Variants in ZNF98 observed in about 807,000 individuals in gnomAD.
ZNF98 encodes the protein zinc finger protein 98.
In ZNF98, 8 loss-of-function variants were observed where a neutral mutation model predicts 12.8. The observed-to-expected ratio is 0.63, with a 90% CI of 0.37 to 1.13. The LOEUF is 1.13. ZNF98 is among the 50% of genes most tolerant of loss of function. ZNF98 has a pLI of 0.01. For synonymous variants in ZNF98, 112 were observed against 223.5 expected, an observed-to-expected ratio of 0.50 and a Z score of 4.45; for missense variants, 379 against 666.1, an observed-to-expected ratio of 0.57 and a Z score of 4.74.
At position 22,410,575 on chromosome 19, in the gene ZNF98, G is replaced by A. The variant is rs578006639; in HGVS notation, c.31-7063C>T. ...TGAGAACACATGGACACAGGGAGGG[G>A]AATAACACAAACCAGGGCCTGTTGT... On this transcript the variant is annotated intron_variant, in intron 1 of 3. Transcript: ENST00000357774. 3.3e-5 allele frequency among the ~76,000 whole-genome samples: 5 copies of A among 152,260 alleles called. No homozygotes were observed. In the South Asian group the frequency reaches 8.3e-4, roughly 25 times the overall value.
rs74169607 is a variant in ZNF98, at chr19:22,391,741, A to T, written c.1494T>A (p.Ala498=). The change falls in exon 4 of 4, where the codon GCT becomes GCA. Residue 498 remains alanine (A), a synonymous_variant. Coordinates refer to ENST00000357774, the MANE Select transcript of ZNF98 (RefSeq NM_001098626.2). ...KPYKCEECGK[A]FNQSSHLTTH... ...TAGTAAGGTGTGAGGACTGGTTAAA[A>T]GCTTTGCCACATTCTTCACATTTGT... 1 of 1,611,966 alleles carries T rather than the reference A, an allele frequency of 6.2e-7. No homozygotes were observed. The highest frequency in any genetic ancestry group is 1.3e-5 in the African/African-American group (1 of 74,740).
rs562112857 is a variant in ZNF98 at position 22,407,935 on chromosome 19, G to C, written c.31-4423C>G. On this transcript the variant is annotated intron_variant, in intron 1 of 3. Transcript: ENST00000357774. The stretch of plus-strand genomic sequence containing the variant: ...AAGTACAAAAAATTAGCCAGGCGTG[G>C]TGGTGCATGCCTATAATCCCAGCTA... Among the ~76,000 whole-genome samples the C allele has an allele frequency of 8.6e-5, 13 of 151,766 alleles. No homozygotes were observed. In the South Asian group the frequency reaches 2.7e-3, roughly 32 times the overall value.
At chr19:22,414,168 A>T (rs925288208) in intron 1 of ZNF98, among the ~76,000 whole-genome samples, 2 of 149,510 alleles carry the variant, frequency 1.3e-5, no homozygotes, top group Non-Finnish European at 3.0e-5. Flanking sequence ...CGAGAAGGAG[A>T]AGTTACAGTG....
chr19:22,397,829 AAAAAC>A (rs1210685429), intron 3 of ZNF98, among the ~76,000 whole-genome samples: 1 of 137,316 alleles, frequency 7.3e-6, no homozygotes, highest in African/African-American at 2.7e-5. Flanking sequence ...CAAAAATATT[AAAAAC>A]AAAACAAAAC....
chr19:22,416,130 C>T, intron 1 of ZNF98, among the ~76,000 whole-genome samples: 1 of 150,182 alleles, frequency 6.7e-6, no homozygotes, highest in East Asian at 2.0e-4. Context: ...GGCAACAGAG[C>T]AAGACTCCGT....
Position 22,391,680 on chromosome 19 carries a change from T to C in ZNF98, c.1555A>G (p.Lys519Glu), listed in dbSNP as rs745462283. 2.5e-6 allele frequency: 4 copies of C among 1,613,902 alleles called. No homozygotes were observed. Among genetic ancestry groups the C allele is most frequent in the Non-Finnish European group, 3.4e-6 (4 of 1,179,950 alleles). The change falls in exon 4 of 4, where the codon AAG becomes GAG. Residue 519 changes from lysine (K) to glutamate (E), a missense_variant. This residue lies in a region of ZNF98 where 59 missense variants were observed against 50.3 expected (regional missense o/e 1.17). Coordinates refer to ENST00000357774, the MANE Select transcript of ZNF98 (RefSeq NM_001098626.2). ...AAGGCTTTGCCGCATTCTTCACACT[T>C]GTAGGGTTTCTCTCCAGTATGAATC... ...KMIHTGEKPY[K>E]CEECGKAFNN...
chr19:22,420,691 A>C (rs1969694188), intron 1 of ZNF98, among the ~76,000 whole-genome samples: 1 of 151,514 alleles, frequency 6.6e-6, no homozygotes, highest in Admixed American at 6.6e-5. Flanking sequence ...TAGCAGACAT[A>C]GCCACAGCAG....
intron 1 of ZNF98, among the ~76,000 whole-genome samples, chr19:22,407,402 T>G (rs1386146893): frequency 1.0e-4 from 7 of 69,294 alleles, no homozygotes; most frequent in Non-Finnish European, 3.3e-4. Flanking sequence ...ATTCACTGAT[T>G]TTTTTTTTTT....
chr19:22,393,293 T>C (rs1302279922), intron 3 of ZNF98, among the ~76,000 whole-genome samples: 1 of 152,214 alleles, frequency 6.6e-6, no homozygotes, highest in African/African-American at 2.4e-5. Context: ...ACTTTAGAAA[T>C]AAATTGCCAA....
rs745477889 is a variant in ZNF98, at chr19:22,393,015, T to A, written c.254-34A>T. On this transcript the variant is annotated intron_variant, in intron 3 of 3. Coordinates refer to ENST00000357774, the MANE Select transcript of ZNF98 (RefSeq NM_001098626.2). ...AATAAAAATAATAAATTACTTCACT[T>A]ACTAGACTCAGATGAATGTACTTTA... 8 of 1,450,088 alleles carry A rather than the reference T, an allele frequency of 5.5e-6. No individual in the cohort carries two copies. The South Asian group carries it at 1.3e-4, about 24-fold the overall frequency. The allele number at this position is 1,450,088 out of a possible 1,614,324, so 89.8% of individuals were successfully genotyped here. A position where few individuals can be genotyped will look rare whatever the true frequency, so the allele number is the denominator to read the frequency against.
At chr19:22,401,778 C>G (rs1239820043) in intron 3 of ZNF98, among the ~76,000 whole-genome samples, 2 of 151,640 alleles carry the variant, frequency 1.3e-5, no homozygotes, top group Non-Finnish European at 2.9e-5. Flanking sequence ...AGCCACCATG[C>G]CCGGCTGAAA....
At chr19:22,411,232 TCA>T (rs34723371) in intron 1 of ZNF98, among the ~76,000 whole-genome samples, 54,049 of 151,726 alleles carry the variant, frequency 0.36, 10,947 homozygotes, top group Non-Finnish European at 0.46. Flanking sequence ...AGCCAGGATC[TCA>T]CCATGTTGGT....
intron 1 of ZNF98, among the ~76,000 whole-genome samples, chr19:22,415,956 G>GACACACACAC (rs71180550): frequency 0.13 from 14,660 of 111,172 alleles, 1,189 homozygotes; most frequent in East Asian, 0.18. Context: ...AAAAACTACA[G>GACACACACAC]ACACACACAC....
chr19:22,414,091 C>T (rs138529061), intron 1 of ZNF98, among the ~76,000 whole-genome samples: 26 of 151,080 alleles, frequency 1.7e-4, no homozygotes, highest in African/African-American at 4.9e-4. Flanking sequence ...AAAAATTAGC[C>T]GGGCGTGGTG....
Position 22,422,247 on chromosome 19 carries a change from C to G in ZNF98, c.-23G>C, listed in dbSNP as rs768654072. The G allele has an allele frequency of 4.3e-6, 7 of 1,611,124 alleles. No individual in the cohort carries two copies. Among genetic ancestry groups the G allele is most frequent in the Non-Finnish European group, 5.9e-6 (7 of 1,178,024 alleles). On this transcript the variant is annotated 5_prime_UTR_variant, in exon 1 of 4. Transcript: ENST00000357774. ...CATCTTAGCTGTGGATTCCCAATAC[C>G]TGCAGGTCACAGGGCCACAGAGGCT...
At chr19:22,401,934 T>C (rs965926477) in intron 3 of ZNF98, among the ~76,000 whole-genome samples, 19 of 150,966 alleles carry the variant, frequency 1.3e-4, no homozygotes, top group African/African-American at 4.4e-4. Flanking sequence ...CCTAGCACTT[T>C]GGGAGGCCAA....
At chr19:22,395,163 ACT>A (rs917826297) in intron 3 of ZNF98, among the ~76,000 whole-genome samples, 5 of 144,760 alleles carry the variant, frequency 3.5e-5, no homozygotes, top group African/African-American at 1.3e-4. Flanking sequence ...CAGGAGCAAA[ACT>A]CTGTTTCAAA....
chr19:22,392,812 T>G lies in ZNF98; in HGVS notation c.423A>C (p.Gly141=). 2.5e-6 allele frequency: 4 copies of G among 1,612,744 alleles called. No individual in the cohort carries two copies. Among genetic ancestry groups the G allele is most frequent in the Non-Finnish European group, 3.4e-6 (4 of 1,179,558 alleles). The change falls in exon 4 of 4, where the codon GGA becomes GGC. Residue 141 remains glycine, a synonymous_variant. Coordinates refer to ENST00000357774, the MANE Select transcript of ZNF98 (RefSeq NM_001098626.2). The stretch of plus-strand genomic sequence containing the variant: ...GGGTAGTTGTCAAACACTGGTTAAG[T>G]CCATTGTAACATTCTTTGTGCACCT... ...ECKVHKECYN[G]LNQCLTTTQN... is the part of the protein sequence containing the mutation.
chr19:22,391,417 A>C lies in ZNF98; in HGVS notation c.*99T>G. The C allele has an allele frequency of 2.0e-6, 3 of 1,495,508 alleles. No homozygotes were observed. The highest frequency in any genetic ancestry group is 2.7e-6 in the Non-Finnish European group (3 of 1,123,614). The allele number at this position is 1,495,508 out of a possible 1,614,324, so 92.6% of individuals were successfully genotyped here. A position where few individuals can be genotyped will look rare whatever the true frequency, so the allele number is the denominator to read the frequency against. On this transcript the variant is annotated 3_prime_UTR_variant, in exon 4 of 4. Coordinates refer to ENST00000357774, the MANE Select transcript of ZNF98 (RefSeq NM_001098626.2). ...GTTTGAGCATTGTGTAAGTTTTGCCACACTGTTCACACTTGTAGAAGTTTT... is the reference window on the plus strand; with the variant it reads ...GTTTGAGCATTGTGTAAGTTTTGCCCCACTGTTCACACTTGTAGAAGTTTT...
Sources: gnomAD v4.1 joint callset for allele counts (sites outside exome capture counted in the v4.1 genomes callset) on GRCh38, gnomAD v4.1.1 for gene constraint, gnomAD v4.1.1 regional missense constraint, MANE v1.5 for transcripts, NCBI Gene and HGNC (gene_info 2026-07-23, HGNC 2026-07-21) for gene names.